ROBO2: variants seen among roughly 807,000 people sequenced by gnomAD.
The protein encoded by ROBO2 is roundabout guidance receptor 2.
A neutral mutation model predicts 160.8 loss-of-function variants in ROBO2; 53 were observed. That is an observed-to-expected ratio of 0.33 (90% CI 0.26 to 0.41). ROBO2 has a LOEUF of 0.41. Among genes scored for constraint, ROBO2 ranks in the 10% least tolerant of loss-of-function variants. The pLI is 1.00. For synonymous variants in ROBO2, 664 were observed against 611.7 expected, an observed-to-expected ratio of 1.09 and a Z score of -1.26; for missense variants, 1,577 against 1,722.4, an observed-to-expected ratio of 0.92 and a Z score of 1.49.
chr3:77,242,075 A>G (rs896246658), intron 2 of ROBO2, among the ~76,000 whole-genome samples: 2 of 152,180 alleles, frequency 1.3e-5, no homozygotes, highest in Non-Finnish European at 2.9e-5. Flanking sequence ...TTATGCTGCT[A>G]AGAAAGCACT....
At chr3:77,384,798 A>C (rs2073927776) in intron 2 of ROBO2, among the ~76,000 whole-genome samples, 1 of 152,232 alleles carries the variant, frequency 6.6e-6, no homozygotes, top group Admixed American at 6.5e-5. Context: ...ATGAGAATTT[A>C]AAATATTGTG....
chr3:77,203,897 T>C lies in ROBO2; in HGVS notation c.388+105557T>C, dbSNP rs2083159510. 2.0e-5 allele frequency among the ~76,000 whole-genome samples: 3 copies of C among 152,202 alleles called. No individual in the cohort carries two copies. The South Asian group carries it at 6.2e-4, about 32-fold the overall frequency. On this transcript the variant is annotated intron_variant, in intron 2 of 25. Transcript: ENST00000461745. ...TCAAGGCCACACAGCTTCCAAAACT[T>C]ATGCCCTTAATTATGATGCAAAGTT...
chr3:76,636,662 A>T (rs551260056), intron 2 of ROBO2, among the ~76,000 whole-genome samples: 1 of 152,248 alleles, frequency 6.6e-6, no homozygotes, highest in African/African-American at 2.4e-5. Context: ...AAAAGTCTAG[A>T]TAAGTCTCTT....
At chr3:76,807,694 T>C (rs2064840712) in intron 2 of ROBO2, among the ~76,000 whole-genome samples, 1 of 152,042 alleles carries the variant, frequency 6.6e-6, no homozygotes, top group Non-Finnish European at 1.5e-5. Context: ...AGTCCTCTTG[T>C]AAAGGAGTAT....
At chr3:76,718,982 G>T (rs957861367) in intron 2 of ROBO2, among the ~76,000 whole-genome samples, 1 of 151,824 alleles carries the variant, frequency 6.6e-6, no homozygotes, top group Non-Finnish European at 1.5e-5. Context: ...TTCAAGCTTT[G>T]GTTCTTTTGA....
chr3:76,690,408 G>A (rs1156294709), intron 2 of ROBO2, among the ~76,000 whole-genome samples: 1 of 152,052 alleles, frequency 6.6e-6, no homozygotes, highest in African/African-American at 2.4e-5. Context: ...TATAAAAGGG[G>A]TTGGGAAAGT....
intron 2 of ROBO2, among the ~76,000 whole-genome samples, chr3:76,312,645 G>T (rs894706205): frequency 6.6e-6 from 1 of 152,154 alleles, no homozygotes; most frequent in African/African-American, 2.4e-5. Flanking sequence ...ACTGCAAGCA[G>T]TTATTTATGT....
intron 2 of ROBO2, among the ~76,000 whole-genome samples, chr3:76,025,789 T>C (rs552334829): frequency 6.6e-6 from 1 of 151,918 alleles, no homozygotes; most frequent in Admixed American, 6.6e-5. Context: ...TGGCTCCTAG[T>C]CACAAGAATC....
At chr3:76,303,336 T>C (rs1048173219) in intron 2 of ROBO2, among the ~76,000 whole-genome samples, 6 of 152,174 alleles carry the variant, frequency 3.9e-5, no homozygotes, top group African/African-American at 1.2e-4. Context: ...AGGTTTAAAC[T>C]TTAATTGTGT....
At chr3:76,048,193 A>G (rs1363282891) in intron 2 of ROBO2, among the ~76,000 whole-genome samples, 1 of 152,208 alleles carries the variant, frequency 6.6e-6, no homozygotes, top group East Asian at 1.9e-4. Flanking sequence ...TTTATGCTAA[A>G]AAAAAGAAAA....
At chr3:76,116,425 A>G (rs966084716) in intron 2 of ROBO2, among the ~76,000 whole-genome samples, 18 of 152,160 alleles carry the variant, frequency 1.2e-4, no homozygotes, top group African/African-American at 4.3e-4. Context: ...CCATTTCTGC[A>G]TGTAATTCTA....
At chr3:77,304,580 A>G (rs1466629485) in intron 2 of ROBO2, among the ~76,000 whole-genome samples, 1 of 152,184 alleles carries the variant, frequency 6.6e-6, no homozygotes, top group Non-Finnish European at 1.5e-5. Flanking sequence ...AAAGGTTATT[A>G]TACTATCAAG....
intron 2 of ROBO2, among the ~76,000 whole-genome samples, chr3:76,508,023 A>G (rs9871302): frequency 0.07 from 10,664 of 152,204 alleles, 1,115 homozygotes; most frequent in African/African-American, 0.23. Context: ...TCACTTATCT[A>G]AAGTAAAATC....
rs183216321 is a variant in ROBO2, at chr3:76,594,434, A to G, written c.110-503580A>G. Among the ~76,000 whole-genome samples the G allele has an allele frequency of 5.2e-3, 784 of 152,192 alleles. 6 individuals carry two copies. Among genetic ancestry groups the G allele is most frequent in the Middle Eastern group, 0.01 (3 of 294 alleles). ...CACAAAGGAAGAAGGGAAGAAACTA[A>G]TACTAATGAAGTGACAAATAGGTGC... is the stretch of plus-strand genomic sequence containing the variant. On this transcript the variant is annotated intron_variant, in intron 2 of 26. Transcript: ENST00000487694.
intron 2 of ROBO2, among the ~76,000 whole-genome samples, chr3:76,953,932 G>A (rs2079099902): frequency 6.6e-6 from 1 of 152,030 alleles, no homozygotes; most frequent in South Asian, 2.1e-4. Context: ...AAAGTACTTT[G>A]GCTAGAGGGA....
intron 2 of ROBO2, chr3:76,311,350 C>A (rs879664360): frequency 2.6e-5 from 4 of 152,308 alleles, no homozygotes; most frequent in Non-Finnish European, 5.9e-5. Context: ...TTTTGATGCT[C>A]TTCCTCTCTG....
intron 2 of ROBO2, among the ~76,000 whole-genome samples, chr3:76,294,666 A>G (rs559544154): frequency 5.5e-4 from 84 of 152,240 alleles, no homozygotes; most frequent in Non-Finnish European, 9.1e-4. Context: ...GGAACTGTCA[A>G]TTACTTTTTC....
intron 2 of ROBO2, among the ~76,000 whole-genome samples, chr3:76,256,357 TACACACAC>T (rs746860395): frequency 9.4e-6 from 1 of 106,618 alleles, no homozygotes; most frequent in Non-Finnish European, 1.9e-5. Context: ...CTCTCTCACA[TACACACAC>T]ACACACACAC....
At chr3:77,587,570 A>T (rs983916509) in intron 16 of ROBO2, among the ~76,000 whole-genome samples, 2 of 152,040 alleles carry the variant, frequency 1.3e-5, no homozygotes, top group Admixed American at 1.3e-4. Context: ...AAATATATGA[A>T]GTAGACAATA....
Sources: gnomAD v4.1 joint callset for allele counts (sites outside exome capture counted in the v4.1 genomes callset) on GRCh38, gnomAD v4.1.1 for gene constraint, MANE v1.5 for transcripts, NCBI Gene and HGNC (gene_info 2026-07-23, HGNC 2026-07-21) for gene names.